GLIS3: variants seen among roughly 807,000 people sequenced by gnomAD.
The protein encoded by GLIS3 is GLIS family zinc finger 3.
GLIS3 carries 53 observed loss-of-function variants against 78.6 expected under a neutral mutation model. The observed-to-expected ratio is 0.67, with a 90% CI of 0.54 to 0.85. The LOEUF (loss-of-function observed/expected upper bound fraction) is 0.85. Ranked by LOEUF, GLIS3 falls within the 40% of genes least tolerant of loss-of-function variation. The pLI is 0.00. For missense variants in GLIS3, 1,703 were observed against 1,231.1 expected, an observed-to-expected ratio of 1.38 and a Z score of -5.74; for synonymous variants, 684 against 509.9, an observed-to-expected ratio of 1.34 and a Z score of -4.60.
intron 2 of GLIS3, among the ~76,000 whole-genome samples, chr9:4,332,205 A>G (rs191008668): frequency 9.2e-5 from 14 of 152,294 alleles, no homozygotes; most frequent in Admixed American, 5.9e-4. Flanking sequence ...ACCCCAATCC[A>G]ACACTATAGG....
intron 2 of GLIS3, among the ~76,000 whole-genome samples, chr9:4,330,379 C>T (rs1189879884): frequency 6.6e-6 from 1 of 152,268 alleles, no homozygotes; most frequent in African/African-American, 2.4e-5. Context: ...ACTGCTAAAA[C>T]CTTTCCAGGT....
At chr9:4,319,312 T>A (rs1212876864) in intron 2 of GLIS3, among the ~76,000 whole-genome samples, 1 of 152,110 alleles carries the variant, frequency 6.6e-6, no homozygotes, top group East Asian at 1.9e-4. Context: ...TATCCATAGC[T>A]CCCTCTCAAA....
Position 3,829,499 on chromosome 9 carries a change from C to T in GLIS3, c.2474-7G>A, listed in dbSNP as rs770548620. ...TGCAGCTGCCCATAAAATCCTGAAA[C>T]GCAAGCATGGCATTGAGCACAAGTT... is the stretch of plus-strand genomic sequence containing the variant. On this transcript the variant is annotated splice_region_variant and splice_polypyrimidine_tract_variant and intron_variant, in intron 9 of 10. Coordinates refer to ENST00000381971, the MANE Select transcript of GLIS3 (RefSeq NM_001042413.2). 1.9e-5 allele frequency: 31 copies of T among 1,613,826 alleles called. No individual in the cohort carries two copies. Among genetic ancestry groups the T allele is most frequent in the African/African-American group, 9.3e-5 (7 of 74,884 alleles).
the GLIS3 span, among the ~76,000 whole-genome samples, chr9:4,391,809 A>G: frequency 6.6e-6 from 1 of 152,198 alleles, no homozygotes; most frequent in African/African-American, 2.4e-5. Context: ...GGAGGAATGT[A>G]AATTAGTTCA....
chr9:4,225,877 A>G (rs1821726571), intron 2 of GLIS3, among the ~76,000 whole-genome samples: 1 of 152,192 alleles, frequency 6.6e-6, no homozygotes, highest in Non-Finnish European at 1.5e-5. Flanking sequence ...CTTCAGGGGA[A>G]ATGAGGAAGG....
chr9:4,150,918 T>C (rs1564121685), intron 2 of GLIS3: 4 of 152,210 alleles, frequency 2.6e-5, no homozygotes, highest in South Asian at 2.1e-4. Flanking sequence ...CAGTTATAAA[T>C]GGTGCTTAAT....
chr9:4,411,667 G>A, the GLIS3 span, among the ~76,000 whole-genome samples: 3 of 152,052 alleles, frequency 2.0e-5, no homozygotes, highest in East Asian at 1.9e-4. Flanking sequence ...ATGCTGTATG[G>A]TAGACAACCT....
At chr9:4,150,777 G>C (rs1182448351) in intron 2 of GLIS3, among the ~76,000 whole-genome samples, 3 of 152,138 alleles carry the variant, frequency 2.0e-5, no homozygotes, top group African/African-American at 4.8e-5. Context: ...TAAAATTCAA[G>C]TCCAGAGATG....
the GLIS3 span, among the ~76,000 whole-genome samples, chr9:4,376,458 C>A: frequency 1.3e-5 from 1 of 77,720 alleles, no homozygotes. Flanking sequence ...GAAGAAACCA[C>A]AAAGGAAAGA....
At chr9:4,278,436 T>G (rs1204356126) in intron 2 of GLIS3, among the ~76,000 whole-genome samples, 1 of 152,166 alleles carries the variant, frequency 6.6e-6, no homozygotes, top group East Asian at 1.9e-4. Context: ...GAACATGTCA[T>G]AAAGACACAA....
chr9:4,176,024 G>A (rs752689231), intron 2 of GLIS3, among the ~76,000 whole-genome samples: 3 of 152,094 alleles, frequency 2.0e-5, no homozygotes, highest in Non-Finnish European at 4.4e-5. Context: ...CTCCAACCCT[G>A]CACACAGAGA....
chr9:4,027,320 C>G (rs1823428639), intron 4 of GLIS3, among the ~76,000 whole-genome samples: 2 of 152,206 alleles, frequency 1.3e-5, no homozygotes, highest in African/African-American at 2.4e-5. Flanking sequence ...AATTCACAAA[C>G]AGTGTAATTT....
intron 4 of GLIS3, among the ~76,000 whole-genome samples, chr9:3,970,466 A>G (rs1423394144): frequency 6.6e-6 from 1 of 152,224 alleles, no homozygotes; most frequent in African/African-American, 2.4e-5. Flanking sequence ...TTTGTAGAAG[A>G]AATTTTTATT....
chr9:4,453,858 G>C, the GLIS3 span, among the ~76,000 whole-genome samples: 1 of 152,172 alleles, frequency 6.6e-6, no homozygotes, highest in African/African-American at 2.4e-5. Context: ...TGGGGTGGGA[G>C]GAAGGGGAGG....
At chr9:3,930,324 A>C (rs1224530453) in intron 6 of GLIS3, among the ~76,000 whole-genome samples, 4 of 152,232 alleles carry the variant, frequency 2.6e-5, no homozygotes, top group Non-Finnish European at 5.9e-5. Flanking sequence ...CTCCATTTAC[A>C]TAAGACAAAA....
chr9:4,116,882 T>C (rs1831685983), intron 4 of GLIS3, among the ~76,000 whole-genome samples: 1 of 152,258 alleles, frequency 6.6e-6, no homozygotes, highest in South Asian at 2.1e-4. Flanking sequence ...TTAAGTGAGC[T>C]GTCTGAGATT....
intron 2 of GLIS3, among the ~76,000 whole-genome samples, chr9:4,247,071 T>C (rs984920715): frequency 1.3e-5 from 2 of 152,244 alleles, no homozygotes; most frequent in African/African-American, 2.4e-5. Context: ...AATCCATGGA[T>C]GGCTTTTGTC....
chr9:4,272,976 G>A (rs1826653775), intron 2 of GLIS3, among the ~76,000 whole-genome samples: 1 of 152,172 alleles, frequency 6.6e-6, no homozygotes, highest in Non-Finnish European at 1.5e-5. Flanking sequence ...GGAGATACAG[G>A]TTTAAAATAC....
At chr9:3,960,189 C>T (rs549324165) in intron 4 of GLIS3, among the ~76,000 whole-genome samples, 16 of 152,180 alleles carry the variant, frequency 1.1e-4, no homozygotes, top group Admixed American at 2.6e-4. Context: ...GGGAAGATGA[C>T]GTGAAATTAC....
Sources: gnomAD v4.1 joint callset for allele counts (sites outside exome capture counted in the v4.1 genomes callset) on GRCh38, gnomAD v4.1.1 for gene constraint, MANE v1.5 for transcripts, NCBI Gene and HGNC (gene_info 2026-07-23, HGNC 2026-07-21) for gene names.